Variants in FCHSD2 observed in about 807,000 individuals in gnomAD.
FCHSD2 encodes the protein F-BAR and double SH3 domains protein 2.
Under a neutral mutation model 108.1 loss-of-function variants are expected in FCHSD2, and 38 were observed. That is an observed-to-expected ratio of 0.35 (90% CI 0.27 to 0.46). The LOEUF (loss-of-function observed/expected upper bound fraction) is 0.46. Ranked by LOEUF, FCHSD2 falls within the 20% of genes least tolerant of loss-of-function variation. The probability of loss-of-function intolerance (pLI) is 1.00; values close to 1 mark genes in which losing one functional copy is unlikely to be tolerated. For synonymous variants in FCHSD2, 279 were observed against 314.7 expected (o/e 0.89, Z 1.20); for missense variants, 751 against 897.8 (o/e 0.84, Z 2.09).
intron 8 of FCHSD2, among the ~76,000 whole-genome samples, chr11:72,960,243 C>CA (rs1008977869): frequency 2.6e-5 from 4 of 152,106 alleles, no homozygotes; most frequent in Non-Finnish European, 4.4e-5. Flanking sequence ...CATGTGAACT[C>CA]ACTCATTACT....
intron 8 of FCHSD2, among the ~76,000 whole-genome samples, chr11:72,928,032 AGATAAAG>A (rs1856111900): frequency 6.6e-6 from 1 of 152,222 alleles, no homozygotes; most frequent in Non-Finnish European, 1.5e-5. Flanking sequence ...GACATAGTGA[AGATAAAG>A]GATAAAGGTA....
At chr11:72,926,020 C>T (rs1856068915) in intron 8 of FCHSD2, among the ~76,000 whole-genome samples, 1 of 152,206 alleles carries the variant, frequency 6.6e-6, no homozygotes, top group Admixed American at 6.5e-5. Context: ...TCCCTGCTGG[C>T]TTGGGGATAT....
intron 12 of FCHSD2, among the ~76,000 whole-genome samples, chr11:72,875,833 C>T (rs1389717812): frequency 1.3e-5 from 2 of 152,140 alleles, no homozygotes; most frequent in African/African-American, 4.8e-5. Flanking sequence ...AACAGAGGAC[C>T]CTCAGTAAGT....
chr11:72,992,146 T>C (rs1388975070), intron 5 of FCHSD2, among the ~76,000 whole-genome samples: 3 of 152,212 alleles, frequency 2.0e-5, no homozygotes, highest in South Asian at 4.1e-4. Context: ...AAATCATGAG[T>C]GAACTCCCAT....
chr11:72,842,018 A>G (rs1860969982), intron 17 of FCHSD2, among the ~76,000 whole-genome samples: 1 of 152,208 alleles, frequency 6.6e-6, no homozygotes, highest in Non-Finnish European at 1.5e-5. Context: ...TCACCACGCA[A>G]ACAAGATCGG....
chr11:73,047,925 G>A (rs1439249535), intron 3 of FCHSD2, among the ~76,000 whole-genome samples: 1 of 152,120 alleles, frequency 6.6e-6, no homozygotes, highest in Non-Finnish European at 1.5e-5. Flanking sequence ...TATGCAGAGG[G>A]GGAAATGGCT....
At chr11:72,871,122 A>AAAT (rs1854848915) in intron 12 of FCHSD2, among the ~76,000 whole-genome samples, 1 of 152,184 alleles carries the variant, frequency 6.6e-6, no homozygotes, top group South Asian at 2.1e-4. Context: ...TAAACAAGTA[A>AAAT]CCACAGAACT....
chr11:73,077,586 T>C lies in FCHSD2; in HGVS notation c.165+6109A>G, dbSNP rs922493710. 3.3e-5 allele frequency: 14 copies of C among 420,112 alleles called. No individual in the cohort carries two copies. In the Admixed American group the frequency reaches 3.4e-4, roughly 10 times the overall value. The allele number at this position is 420,112 out of a possible 1,614,324, so 26.0% of individuals were successfully genotyped here. A position where few individuals can be genotyped will look rare whatever the true frequency, so the allele number is the denominator to read the frequency against. ...TACACAAATGTTTATAGCAACTTTA[T>C]TTATAATACTCAAAAAACAGAAATA... On this transcript the variant is annotated intron_variant, in intron 3 of 19. Coordinates refer to ENST00000409418, the MANE Select transcript of FCHSD2 (RefSeq NM_014824.3).
intron 3 of FCHSD2, among the ~76,000 whole-genome samples, chr11:73,025,258 A>T (rs1044831494): frequency 7.9e-5 from 12 of 152,068 alleles, no homozygotes; most frequent in Non-Finnish European, 1.6e-4. Context: ...TCAGTGATAG[A>T]CTGGATAAAG....
intron 13 of FCHSD2, among the ~76,000 whole-genome samples, chr11:72,865,393 C>T (rs1010334514): frequency 1.3e-5 from 2 of 152,088 alleles, no homozygotes; most frequent in Admixed American, 1.3e-4. Context: ...TGTAATCTCT[C>T]AGTTGAAAGA....
At chr11:72,868,963 G>C (rs1854791052) in intron 12 of FCHSD2, among the ~76,000 whole-genome samples, 1 of 151,870 alleles carries the variant, frequency 6.6e-6, no homozygotes, top group Non-Finnish European at 1.5e-5. Context: ...CTGGAGTGCA[G>C]TGGTATGATC....
chr11:72,843,493 C>T lies in FCHSD2; in HGVS notation c.1483G>A (p.Val495Met), dbSNP rs1861029722. 2 of 1,613,838 alleles carry T rather than the reference C, an allele frequency of 1.2e-6. No individual in the cohort carries two copies. The highest frequency in any genetic ancestry group is 4.5e-5 in the East Asian group (2 of 44,888). ...PDELTIEEHE[V>M]LEVIEDGDME... is the part of the protein sequence containing the mutation. ...TCTCCATCTTCAATCACTTCTAACA[C>T]CTCATGTTCCTCAATGGTCAACTCA... The change falls in exon 15 of 20, where the codon GTG becomes ATG. Residue 495 changes from valine to methionine, a missense_variant. Physicochemically the swap from Val to Met is conservative, Grantham distance 21. Coordinates refer to ENST00000409418, the MANE Select transcript of FCHSD2 (RefSeq NM_014824.3).
At chr11:73,071,865 T>C (rs1303090942) in intron 3 of FCHSD2, among the ~76,000 whole-genome samples, 1 of 152,146 alleles carries the variant, frequency 6.6e-6, no homozygotes, top group Non-Finnish European at 1.5e-5. Context: ...TGAGTTAATC[T>C]ATGTAAAGTG....
At chr11:72,923,853 T>C (rs1856022101) in intron 8 of FCHSD2, among the ~76,000 whole-genome samples, 1 of 152,166 alleles carries the variant, frequency 6.6e-6, no homozygotes, top group Non-Finnish European at 1.5e-5. Flanking sequence ...GCAGGAGAAC[T>C]GCTTGTACCC....
chr11:72,967,741 T>C (rs1856937431), intron 8 of FCHSD2, among the ~76,000 whole-genome samples: 1 of 152,148 alleles, frequency 6.6e-6, no homozygotes, highest in Admixed American at 6.5e-5. Context: ...GAATTTTACA[T>C]TTTAAAACGG....
chr11:73,050,069 A>C (rs1858863461), intron 3 of FCHSD2, among the ~76,000 whole-genome samples: 1 of 152,220 alleles, frequency 6.6e-6, no homozygotes, highest in South Asian at 2.1e-4. Context: ...CTTTTCTGTA[A>C]AAGGCCAGAG....
chr11:72,916,968 C>CTTTTT (rs71062793), intron 9 of FCHSD2, among the ~76,000 whole-genome samples: 30 of 118,764 alleles, frequency 2.5e-4, no homozygotes, highest in African/African-American at 7.8e-4. Context: ...GAACTTCATT[C>CTTTTT]TTTTTTTTTT....
chr11:72,846,308 G>C (rs987088602), intron 14 of FCHSD2, among the ~76,000 whole-genome samples: 8 of 151,672 alleles, frequency 5.3e-5, no homozygotes, highest in Non-Finnish European at 1.0e-4. Context: ...AGCCTCCCAA[G>C]TAGCTGGGAT....
chr11:73,020,060 G>A (rs1591487243), intron 3 of FCHSD2, among the ~76,000 whole-genome samples: 1 of 152,132 alleles, frequency 6.6e-6, no homozygotes, highest in African/African-American at 2.4e-5. Flanking sequence ...GTTCACTTTA[G>A]AGCAGTGGCT....
Sources: gnomAD v4.1 joint callset for allele counts (sites outside exome capture counted in the v4.1 genomes callset) on GRCh38, gnomAD v4.1.1 for gene constraint, MANE v1.5 for transcripts, NCBI Gene and HGNC (gene_info 2026-07-23, HGNC 2026-07-21) for gene names.